The following SAMD12 variants were observed in gnomAD, a reference collection of about 807,000 sequenced individuals.
SAMD12 encodes sterile alpha motif domain-containing protein 12.
In SAMD12, 9 loss-of-function variants were observed where a neutral mutation model predicts 15.0. The observed-to-expected ratio is 0.60, with a 90% CI of 0.36 to 1.05. The LOEUF (loss-of-function observed/expected upper bound fraction) is 1.05. SAMD12 is among the 50% of genes least tolerant of loss of function. The pLI is 0.01. For synonymous variants in SAMD12, 86 were observed against 90.1 expected (o/e 0.96, Z 0.25); for missense variants, 230 against 234.2 (o/e 0.98, Z 0.12).
At chr8:118,478,569 C>G (rs1379750121) in intron 2 of SAMD12, among the ~76,000 whole-genome samples, 1 of 152,220 alleles carries the variant, frequency 6.6e-6, no homozygotes, top group Admixed American at 6.5e-5. Context: ...AATTGTTCCC[C>G]TTTCAGGGTT....
chr8:118,406,890 TTGTGTGTGTGTGTG>T (rs3052708), intron 3 of SAMD12, among the ~76,000 whole-genome samples: 2 of 147,330 alleles, frequency 1.4e-5, no homozygotes, highest in Admixed American at 6.8e-5. Context: ...CAATATTCCA[TTGTGTGTGTGTGTG>T]TGTGTGTGTG....
chr8:118,173,140 C>T, the SAMD12 span, among the ~76,000 whole-genome samples: 1 of 152,202 alleles, frequency 6.6e-6, no homozygotes, highest in African/African-American at 2.4e-5. Flanking sequence ...AGTATTGACA[C>T]ATGGTTTAGA....
chr8:118,444,810 C>G (rs750330591), intron 2 of SAMD12, among the ~76,000 whole-genome samples: 1 of 152,030 alleles, frequency 6.6e-6, no homozygotes, highest in Non-Finnish European at 1.5e-5. Flanking sequence ...ATCTGTTTTA[C>G]AATATAAATT....
chr8:118,542,403 AAG>A (rs1826009905), intron 2 of SAMD12, among the ~76,000 whole-genome samples: 1 of 152,250 alleles, frequency 6.6e-6, no homozygotes, highest in Non-Finnish European at 1.5e-5. Flanking sequence ...AAATATTCAC[AAG>A]ATCACAATAT....
chr8:118,285,404 T>C (rs1385976878), intron 4 of SAMD12, among the ~76,000 whole-genome samples: 2 of 152,342 alleles, frequency 1.3e-5, no homozygotes, highest in East Asian at 3.9e-4. Context: ...ATAATGCATA[T>C]AGCAGTTTGA....
At chr8:118,242,370 G>A (rs1563711836) in intron 4 of SAMD12, among the ~76,000 whole-genome samples, 1 of 152,142 alleles carries the variant, frequency 6.6e-6, no homozygotes, top group Non-Finnish European at 1.5e-5. Context: ...ACAAATACCA[G>A]TAGTTAGTCT....
intron 3 of SAMD12, among the ~76,000 whole-genome samples, chr8:118,425,376 C>G (rs1822199487): frequency 6.6e-6 from 1 of 152,052 alleles, no homozygotes; most frequent in East Asian, 1.9e-4. Context: ...AACAAGTCAT[C>G]AATAAAAAAG....
At chr8:118,599,470 A>T (rs1827801563) in intron 1 of SAMD12, among the ~76,000 whole-genome samples, 1 of 151,976 alleles carries the variant, frequency 6.6e-6, no homozygotes, top group Non-Finnish European at 1.5e-5. Flanking sequence ...CCAAATATTC[A>T]CTGCTGGCCT....
intron 4 of SAMD12, among the ~76,000 whole-genome samples, chr8:118,288,645 C>T (rs140532385): frequency 2.0e-5 from 3 of 152,084 alleles, no homozygotes; most frequent in Non-Finnish European, 4.4e-5. Flanking sequence ...TATACAAGAA[C>T]AGAGCTATTT....
At chr8:118,394,130 G>T (rs1342572910) in intron 3 of SAMD12, among the ~76,000 whole-genome samples, 1 of 152,126 alleles carries the variant, frequency 6.6e-6, no homozygotes, top group Non-Finnish European at 1.5e-5. Context: ...TGTTCCCTTT[G>T]CTCCTTAAAG....
At chr8:118,272,576 A>C (rs1009241868) in intron 4 of SAMD12, among the ~76,000 whole-genome samples, 1 of 152,184 alleles carries the variant, frequency 6.6e-6, no homozygotes, top group South Asian at 2.1e-4. Context: ...TTGCATCGTC[A>C]TGCTGCAAAA....
chr8:118,302,868 A>G (rs1289989045), intron 4 of SAMD12, among the ~76,000 whole-genome samples: 1 of 152,222 alleles, frequency 6.6e-6, no homozygotes, highest in Non-Finnish European at 1.5e-5. Flanking sequence ...CCTCTGACCT[A>G]TTATCTAGGC....
At chr8:118,235,251 G>A (rs1345106129) in intron 4 of SAMD12, among the ~76,000 whole-genome samples, 47 of 149,800 alleles carry the variant, frequency 3.1e-4, no homozygotes, top group South Asian at 2.1e-4. Context: ...TTGCTCTGTC[G>A]CCAGGCTGGA....
intron 4 of SAMD12, among the ~76,000 whole-genome samples, chr8:118,250,006 G>A (rs1812783059): frequency 6.6e-6 from 1 of 152,064 alleles, no homozygotes; most frequent in Non-Finnish European, 1.5e-5. Context: ...ATGCATGGGA[G>A]GCTGGAGATC....
At chr8:118,356,236 G>A (rs940267382) in intron 4 of SAMD12, among the ~76,000 whole-genome samples, 11 of 152,162 alleles carry the variant, frequency 7.2e-5, no homozygotes, top group African/African-American at 2.7e-4. Flanking sequence ...TACAGGGAGT[G>A]AGGGACAGTG....
At chr8:118,492,761 A>G (rs2515049) in intron 2 of SAMD12, among the ~76,000 whole-genome samples, 36,324 of 152,128 alleles carry the variant, frequency 0.24, 5,000 homozygotes, top group East Asian at 0.35. Context: ...GAATTAACCT[A>G]TTCTGGCAAG....
At chr8:118,551,748 T>C in intron 2 of SAMD12, among the ~76,000 whole-genome samples, 1 of 150,986 alleles carries the variant, frequency 6.6e-6, no homozygotes, top group African/African-American at 2.4e-5. Context: ...GCTGGTTTTT[T>C]GAAAGGATCA....
rs191485908 is a variant in SAMD12, at chr8:118,313,524, A to G, written c.433+66036T>C. Among the ~76,000 whole-genome samples the G allele has an allele frequency of 8.0e-3, 1,218 of 152,272 alleles. 14 individuals carry two copies. Among genetic ancestry groups the G allele is most frequent in the South Asian group, 0.039 (187 of 4,824 alleles). ...TGGCAACCCCAAAGTGCTAAAGTTT[A>G]TCAAGAAGTATGTGGAAATTAACAA... On this transcript the variant is annotated intron_variant, in intron 4 of 4. Transcript: ENST00000409003.
At chr8:118,419,259 G>T (rs546551400) in intron 3 of SAMD12, among the ~76,000 whole-genome samples, 2 of 146,626 alleles carry the variant, frequency 1.4e-5, no homozygotes, top group South Asian at 4.3e-4. Context: ...GCTGGCTATG[G>T]GGTCTGGGTC....
Sources: gnomAD v4.1 joint callset for allele counts (sites outside exome capture counted in the v4.1 genomes callset) on GRCh38, gnomAD v4.1.1 for gene constraint, MANE v1.5 for transcripts, NCBI Gene and HGNC (gene_info 2026-07-23, HGNC 2026-07-21) for gene names.